HERC4: variants seen among roughly 807,000 people sequenced by gnomAD.
HERC4 encodes HECT and RLD domain containing E3 ubiquitin protein ligase 4.
HERC4 carries 28 observed loss-of-function variants against 124.3 expected under a neutral mutation model. The ratio of observed to expected loss-of-function variants is 0.23; its 90% confidence interval spans 0.17 to 0.31. The LOEUF (loss-of-function observed/expected upper bound fraction) is 0.31, where lower values mean the gene tolerates loss of function less well. Ranked by LOEUF, HERC4 falls within the 10% of genes least tolerant of loss-of-function variation. HERC4 has a pLI of 1.00. For missense variants in HERC4, 713 were observed against 1,229.3 expected (o/e 0.58, Z 6.28); for synonymous variants, 407 against 421.5 (o/e 0.97, Z 0.42).
At chr10:68,053,991 C>G (rs2040433957) in intron 3 of HERC4, among the ~76,000 whole-genome samples, 1 of 152,152 alleles carries the variant, frequency 6.6e-6, no homozygotes, top group Non-Finnish European at 1.5e-5. Flanking sequence ...CATTTCAACT[C>G]TTTAGTACAT....
At chr10:67,991,445 A>C (rs1270787879) in intron 11 of HERC4, among the ~76,000 whole-genome samples, 1 of 152,196 alleles carries the variant, frequency 6.6e-6, no homozygotes, top group African/African-American at 2.4e-5. Flanking sequence ...ATCCAATGTT[A>C]TCTGCTTTAA....
intron 8 of HERC4, among the ~76,000 whole-genome samples, 156 bp downstream of exon 8, chr10:68,025,390 T>C (rs1366002899): frequency 6.6e-6 from 1 of 152,204 alleles, no homozygotes. Context: ...GTAAAAAAGA[T>C]GTTTCTCCTG....
At chr10:68,042,331 C>A (rs2039811333) in intron 4 of HERC4, among the ~76,000 whole-genome samples, 1 of 151,462 alleles carries the variant, frequency 6.6e-6, no homozygotes, top group African/African-American at 2.4e-5. Context: ...TTACGAAAAT[C>A]TATAAACACT....
intron 15 of HERC4, among the ~76,000 whole-genome samples, chr10:67,978,882 C>G (rs1010315976): frequency 2.0e-5 from 3 of 152,182 alleles, no homozygotes; most frequent in South Asian, 2.1e-4. Context: ...AAGGCAGTAC[C>G]TTTATGAGTC....
chr10:67,962,934 C>CT (rs2034615719), intron 16 of HERC4, among the ~76,000 whole-genome samples: 2 of 152,288 alleles, frequency 1.3e-5, no homozygotes, highest in East Asian at 3.9e-4. Context: ...AGAAATTACT[C>CT]TAAGTCCTTC....
At position 67,985,074 on chromosome 10, in the gene HERC4, G is replaced by A. The variant is rs141791911; in HGVS notation, c.1806+3589C>T. On this transcript the variant is annotated intron_variant, in intron 15 of 24. Transcript: ENST00000373700. ...ATGTTAGAATAAAAATAATATATTCGCATAGTAGATAAGGTTCAATCAGCC... is the reference window on the plus strand; with the variant it reads ...ATGTTAGAATAAAAATAATATATTCACATAGTAGATAAGGTTCAATCAGCC... Among the ~76,000 whole-genome samples, 358 of 152,156 alleles carry A rather than the reference G, an allele frequency of 2.4e-3. 1 individual carries two copies. Among genetic ancestry groups the A allele is most frequent in the Non-Finnish European group, 3.7e-3 (250 of 68,024 alleles).
intron 3 of HERC4, chr10:68,068,820 A>C (rs1352685255): frequency 6.5e-6 from 1 of 152,952 alleles, no homozygotes; most frequent in East Asian, 1.9e-4. Context: ...GGTGGTCTCA[A>C]GATGTGCTAG....
chr10:67,955,059 G>C lies in HERC4; in HGVS notation c.2097C>G (p.Pro699=). The change falls in exon 18 of 25, where the codon CCC becomes CCG. Residue 699 remains proline, a synonymous_variant. Transcript: ENST00000373700. ...CTCTACGCACCACTAGAATTAAGCA[G>C]GGATTCACAGATTCAATCACTGGGA... The part of the protein sequence containing the change: ...LFLPVIESVN[P]CLILVVRREN... 1 of 1,599,534 alleles carries C rather than the reference G, an allele frequency of 6.3e-7. No homozygotes were observed. The highest frequency in any genetic ancestry group is 8.5e-7 in the Non-Finnish European group (1 of 1,174,848).
intron 3 of HERC4, among the ~76,000 whole-genome samples, chr10:68,059,503 T>TTATAATATTATATATTATAACATTATA (rs1564607069): frequency 4.3e-5 from 5 of 117,424 alleles, no homozygotes; most frequent in Non-Finnish European, 8.3e-5. Flanking sequence ...ACATTATATA[T>TTATAATATTATATATTATAACATTATA]TATAATATTA....
chr10:68,062,632 T>A (rs929905265), intron 3 of HERC4, among the ~76,000 whole-genome samples: 4 of 149,962 alleles, frequency 2.7e-5, no homozygotes, highest in Admixed American at 6.7e-5. Context: ...TGGTGGTGGG[T>A]GCCTGTAATC....
intron 3 of HERC4, among the ~76,000 whole-genome samples, chr10:68,064,604 A>G (rs2041208450): frequency 6.6e-6 from 1 of 151,868 alleles, no homozygotes; most frequent in African/African-American, 2.4e-5. Flanking sequence ...AAGAAAAAGA[A>G]AAAAAGACAT....
At chr10:68,046,756 C>T (rs1259973396) in intron 3 of HERC4, among the ~76,000 whole-genome samples, 1 of 152,158 alleles carries the variant, frequency 6.6e-6, no homozygotes, top group African/African-American at 2.4e-5. Context: ...CACTTGAACC[C>T]AGGAGTTTGA....
intron 9 of HERC4, chr10:68,010,231 A>G: frequency 9.4e-7 from 1 of 1,067,558 alleles, no homozygotes. Flanking sequence ...GAGAGCCCAG[A>G]GTGGCGACAG....
chr10:67,946,500 A>AT (rs1259952149), intron 19 of HERC4, among the ~76,000 whole-genome samples: 1 of 151,972 alleles, frequency 6.6e-6, no homozygotes, highest in East Asian at 1.9e-4. Context: ...AATGTTAACT[A>AT]TTTTGTCTAA....
chr10:67,946,396 C>CAA (rs57497479), intron 19 of HERC4, among the ~76,000 whole-genome samples: 111 of 142,270 alleles, frequency 7.8e-4, no homozygotes, highest in Non-Finnish European at 1.2e-3. Flanking sequence ...CACACACACA[C>CAA]AAGACCCAAT....
Position 67,929,819 on chromosome 10 carries a change from A to ATTTTTTTTTTTTTTT in HERC4, c.2838+2777_2838+2778insAAAAAAAAAAAAAAA, listed in dbSNP as rs561065364. ...TGTGAGACACCACACCCAGCTGTGC[A>ATTTTTTTTTTTTTTT]TTTTTTTTTTGAGATGGAGTTTCAC... On this transcript the variant is annotated intron_variant, in intron 23 of 24. Coordinates refer to ENST00000373700, the MANE Select transcript of HERC4 (RefSeq NM_015601.4). Among the ~76,000 whole-genome samples, 16 of 143,274 alleles carry ATTTTTTTTTTTTTTT rather than the reference A, an allele frequency of 1.1e-4. 1 individual carries two copies. Among genetic ancestry groups the ATTTTTTTTTTTTTTT allele is most frequent in the African/African-American group, 3.8e-4 (14 of 37,218 alleles). The allele number at this position is 143,274 out of a possible 152,430, so 94.0% of individuals were successfully genotyped here.
intron 3 of HERC4, chr10:68,068,975 A>C (rs1304131596): frequency 1.6e-5 from 14 of 868,380 alleles, no homozygotes; most frequent in Non-Finnish European, 1.7e-5. Flanking sequence ...TGTAAAACAC[A>C]AAAAACTGTT....
intron 23 of HERC4, among the ~76,000 whole-genome samples, chr10:67,932,357 GT>G (rs2031913094): frequency 6.6e-6 from 1 of 152,136 alleles, no homozygotes; most frequent in Non-Finnish European, 1.5e-5. Flanking sequence ...AAGTGCTGGG[GT>G]TATAGGTGAG....
chr10:68,008,580 A>T (rs2037733147), intron 9 of HERC4, among the ~76,000 whole-genome samples: 2 of 152,150 alleles, frequency 1.3e-5, no homozygotes, highest in African/African-American at 4.8e-5. Flanking sequence ...TTATGTGCTG[A>T]ATCCACTTCT....
Sources: allele counts gnomAD v4.1 joint callset (sites outside exome capture counted in the v4.1 genomes callset), GRCh38; gene constraint gnomAD v4.1.1; transcripts MANE v1.5; gene names NCBI Gene and HGNC (gene_info 2026-07-23, HGNC 2026-07-21).